Variants in CBR4 observed in about 807,000 individuals in gnomAD.
CBR4 encodes 3-oxoacyl-[acyl-carrier-protein] reductase.
In CBR4, 22 loss-of-function variants were observed where a neutral mutation model predicts 21.0. That is an observed-to-expected ratio of 1.05 (90% CI 0.75 to 1.50). The LOEUF is 1.50. Ranked by LOEUF, CBR4 falls within the 40% of genes most tolerant of loss-of-function variation. CBR4 has a pLI of 0.00. For synonymous variants in CBR4, 100 were observed against 104.4 expected, an observed-to-expected ratio of 0.96 and a Z score of 0.26; for missense variants, 302 against 286.3, an observed-to-expected ratio of 1.05 and a Z score of -0.40.
At chr4:168,914,073 T>C (rs1560912883) in intron 2 of CBR4, 1 of 1,053,130 alleles carries the variant, frequency 9.5e-7, no homozygotes, top group East Asian at 2.5e-5. Context: ...TTTATTACTA[T>C]AAATGTAGTA....
chr4:168,974,113 C>T (rs1363193408), intron 2 of CBR4, among the ~76,000 whole-genome samples: 1 of 152,076 alleles, frequency 6.6e-6, no homozygotes, highest in Non-Finnish European at 1.5e-5. Flanking sequence ...GTAATGCTGG[C>T]TTGGTAGTGG....
At chr4:168,996,585 A>G (rs1346844247) in intron 4 of CBR4, among the ~76,000 whole-genome samples, 1 of 152,124 alleles carries the variant, frequency 6.6e-6, no homozygotes, top group Non-Finnish European at 1.5e-5. Context: ...TGTCTTCACA[A>G]GCTAAGGGTT....
At chr4:168,921,747 C>T in intron 2 of CBR4, 1 of 1,606,206 alleles carries the variant, frequency 6.2e-7, no homozygotes, top group Non-Finnish European at 8.5e-7. Context: ...TGCTGGTAGG[C>T]TCATCTGTGA....
chr4:168,964,560 A>G (rs1000239760), intron 2 of CBR4, among the ~76,000 whole-genome samples: 1 of 152,348 alleles, frequency 6.6e-6, no homozygotes, highest in African/African-American at 2.4e-5. Context: ...CCCAGCCACT[A>G]TAACAACCAC....
chr4:168,988,481 TA>T lies in CBR4; in HGVS notation c.*1668del. On this transcript the variant is annotated 3_prime_UTR_variant, in exon 5 of 5. Coordinates refer to ENST00000306193, the MANE Select transcript of CBR4 (RefSeq NM_032783.5). ...AAACTCAAGACTGAATGGGCTGCCA[TA>T]ATGGGGAAGTACAGGTAGCCAAAGG... 4.1e-6 allele frequency: 4 copies of T among 985,340 alleles called. No individual in the cohort carries two copies. The highest frequency in any genetic ancestry group is 4.8e-6 in the Non-Finnish European group (4 of 829,920). The allele number at this position is 985,340 out of a possible 1,614,324, so 61.0% of individuals were successfully genotyped here. A position where few individuals can be genotyped will look rare whatever the true frequency, so the allele number is the denominator to read the frequency against.
chr4:168,964,734 A>C (rs1763967493), intron 2 of CBR4, among the ~76,000 whole-genome samples: 1 of 152,232 alleles, frequency 6.6e-6, no homozygotes. Context: ...AATAAGCAAG[A>C]AAAGCTCTGT....
intron 4 of CBR4, 35 bp downstream of exon 4, chr4:169,002,036 C>A (rs374796888): frequency 4.8e-5 from 72 of 1,503,214 alleles, no homozygotes; most frequent in Non-Finnish European, 6.4e-5. Flanking sequence ...AAACAATAAT[C>A]ATAATCAAGT....
At chr4:169,002,687 T>C (rs1016535491) in intron 3 of CBR4, among the ~76,000 whole-genome samples, 3 of 152,264 alleles carry the variant, frequency 2.0e-5, no homozygotes, top group African/African-American at 7.2e-5. Context: ...AAAATTGAAT[T>C]ACATGCATAA....
rs562575413 is a variant in CBR4, at chr4:168,996,734, CTTTATCAGAAATTAAATAAAA to C, written c.535+5316_535+5336del. On this transcript the variant is annotated intron_variant, in intron 4 of 4. Transcript: ENST00000306193. Reference sequence around the variant, plus strand: ...TTTAAAACTCATGTATCTGTCCCCACTTTATCAGAAATTAAATAAAATTTATCAGAAATTAAATTAAAAATG... The same window carrying C: ...TTTAAAACTCATGTATCTGTCCCCACTTTATCAGAAATTAAATTAAAAATG... Among the ~76,000 whole-genome samples, 30 of 152,186 alleles carry C rather than the reference CTTTATCAGAAATTAAATAAAA, an allele frequency of 2.0e-4. No homozygotes were observed. The South Asian group carries it at 5.8e-3, about 29-fold the overall frequency.
At chr4:168,966,514 G>A (rs572573642) in intron 2 of CBR4, among the ~76,000 whole-genome samples, 3 of 151,542 alleles carry the variant, frequency 2.0e-5, no homozygotes, top group African/African-American at 7.3e-5. Flanking sequence ...ACGACAGAGC[G>A]AGACTCCGTC....
intron 2 of CBR4, among the ~76,000 whole-genome samples, chr4:168,965,669 A>G (rs1328325918): frequency 1.3e-5 from 2 of 152,250 alleles, no homozygotes; most frequent in Non-Finnish European, 2.9e-5. Context: ...CCTATTTAAT[A>G]AATTGTGCTG....
At chr4:169,008,663 T>G (rs1731127117) in intron 1 of CBR4, among the ~76,000 whole-genome samples, 1 of 152,180 alleles carries the variant, frequency 6.6e-6, no homozygotes, top group Non-Finnish European at 1.5e-5. Flanking sequence ...CTCTTGGTTT[T>G]CACCCGAAGA....
At chr4:168,995,714 T>C (rs893810440) in intron 4 of CBR4, among the ~76,000 whole-genome samples, 1 of 152,176 alleles carries the variant, frequency 6.6e-6, no homozygotes, top group African/African-American at 2.4e-5. Context: ...CATTACAAAC[T>C]ACCAGTAGGT....
At chr4:169,005,756 C>T (rs917867798) in intron 3 of CBR4, 7 of 554,594 alleles carry the variant, frequency 1.3e-5, no homozygotes, top group African/African-American at 1.2e-4. Context: ...AGTAAATGTC[C>T]AAAATGCTCT....
chr4:168,999,299 T>G (rs895471978), intron 4 of CBR4, among the ~76,000 whole-genome samples: 4 of 152,156 alleles, frequency 2.6e-5, no homozygotes, highest in African/African-American at 9.6e-5. Context: ...AGGACACATA[T>G]TTGTTAACTG....
At chr4:168,972,948 C>T (rs1764256512) in intron 2 of CBR4, among the ~76,000 whole-genome samples, 1 of 152,120 alleles carries the variant, frequency 6.6e-6, no homozygotes, top group African/African-American at 2.4e-5. Flanking sequence ...AAGGTATGTT[C>T]CTTCTGTACC....
chr4:168,903,780 G>C lies in CBR4; in HGVS notation n.170-9015C>G. The C allele has an allele frequency of 1.9e-6, 3 of 1,612,474 alleles. No individual in the cohort carries two copies. The highest frequency in any genetic ancestry group is 2.5e-6 in the Non-Finnish European group (3 of 1,178,632). On this transcript the variant is annotated intron_variant and non_coding_transcript_variant, in intron 2 of 3. Transcript: ENST00000509108. ...AGATCTATTGGTTTAAAGATGGGAA[G>C]CAGATCTCTCCAAAGAGTGATCACT...
At position 168,988,545 on chromosome 4, in the gene CBR4, T is replaced by A; in HGVS notation, c.*1605A>T. ...ACAGCATTAGAGAAACTATCTACTA[T>A]GTCTGAATAAGCTCCCCTACCTTAC... On this transcript the variant is annotated 3_prime_UTR_variant, in exon 5 of 5. Transcript: ENST00000306193. 2.0e-6 allele frequency: 2 copies of A among 985,392 alleles called. No individual in the cohort carries two copies. Among genetic ancestry groups the A allele is most frequent in the South Asian group, 4.7e-5 (1 of 21,286 alleles). The allele number at this position is 985,392 out of a possible 1,614,324, so 61.0% of individuals were successfully genotyped here. A position where few individuals can be genotyped will look rare whatever the true frequency, so the allele number is the denominator to read the frequency against.
chr4:168,914,984 T>C (rs1417067170), intron 2 of CBR4, among the ~76,000 whole-genome samples: 3 of 152,222 alleles, frequency 2.0e-5, no homozygotes, highest in Non-Finnish European at 4.4e-5. Flanking sequence ...AAACATAGCA[T>C]ATACAGGATT....
Sources: gnomAD v4.1 joint callset for allele counts (sites outside exome capture counted in the v4.1 genomes callset) on GRCh38, gnomAD v4.1.1 for gene constraint, MANE v1.5 for transcripts, NCBI Gene and HGNC (gene_info 2026-07-23, HGNC 2026-07-21) for gene names.